Variants in TENM2 observed in about 807,000 individuals in gnomAD.
TENM2 encodes teneurin transmembrane protein 2.
TENM2 carries 52 observed loss-of-function variants against 245.2 expected under a neutral mutation model. The observed-to-expected ratio is 0.21, with a 90% CI of 0.17 to 0.27. The LOEUF is 0.27. Ranked by LOEUF, TENM2 falls within the 10% of genes least tolerant of loss-of-function variation. The pLI is 1.00. For synonymous variants in TENM2, 1,363 were observed against 1,438.9 expected (o/e 0.95, Z 1.19); for missense variants, 3,046 against 3,666.8 (o/e 0.83, Z 4.37).
the TENM2 span, among the ~76,000 whole-genome samples, chr5:167,068,536 A>G: frequency 1.3e-5 from 2 of 152,106 alleles, no homozygotes; most frequent in African/African-American, 2.4e-5. Flanking sequence ...TGTTATTGAG[A>G]TATTTTGCAT....
intron 2 of TENM2, among the ~76,000 whole-genome samples, chr5:167,511,036 C>T (rs978554344): frequency 2.0e-5 from 3 of 152,112 alleles, no homozygotes; most frequent in Non-Finnish European, 2.9e-5. Context: ...TAACACCATC[C>T]CTTTCTTCTT....
chr5:168,159,391 T>A (rs1757539275), intron 12 of TENM2, among the ~76,000 whole-genome samples: 1 of 152,136 alleles, frequency 6.6e-6, no homozygotes, highest in Non-Finnish European at 1.5e-5. Context: ...AGACTTCCTA[T>A]AGGAGACTTC....
At chr5:167,344,970 G>A (rs1758368739) in intron 1 of TENM2, among the ~76,000 whole-genome samples, 1 of 152,182 alleles carries the variant, frequency 6.6e-6, no homozygotes, top group African/African-American at 2.4e-5. Flanking sequence ...GATGCAGAAA[G>A]AGAAGGAAAG....
intron 7 of TENM2, among the ~76,000 whole-genome samples, chr5:168,062,581 A>G (rs1790141146): frequency 6.6e-6 from 1 of 152,220 alleles, no homozygotes; most frequent in Non-Finnish European, 1.5e-5. Context: ...CGTATGTATC[A>G]GTGTTCATCA....
the TENM2 span, among the ~76,000 whole-genome samples, chr5:167,230,839 G>C: frequency 6.6e-6 from 1 of 152,152 alleles, no homozygotes; most frequent in Admixed American, 6.5e-5. Flanking sequence ...AAGTGATATG[G>C]TTACGCTATG....
chr5:167,340,732 A>G (rs1195084457), intron 1 of TENM2, among the ~76,000 whole-genome samples: 5 of 152,266 alleles, frequency 3.3e-5, no homozygotes, highest in African/African-American at 4.8e-5. Context: ...AAATGACACT[A>G]TTGAAATTAT....
chr5:168,109,977 C>T (rs1039135804), intron 9 of TENM2, among the ~76,000 whole-genome samples: 10 of 151,664 alleles, frequency 6.6e-5, no homozygotes, highest in East Asian at 1.9e-4. Context: ...GAAATCACTT[C>T]GCGGGGCTTC....
the TENM2 span, among the ~76,000 whole-genome samples, chr5:167,063,950 C>T: frequency 1.3e-5 from 2 of 152,122 alleles, no homozygotes; most frequent in East Asian, 1.9e-4. Flanking sequence ...GCATTAATGA[C>T]GGTGGTTATG....
chr5:167,987,202 A>G (rs1224474454), intron 4 of TENM2, among the ~76,000 whole-genome samples: 1 of 152,188 alleles, frequency 6.6e-6, no homozygotes, highest in African/African-American at 2.4e-5. Flanking sequence ...ACATTAAAAA[A>G]TATATATCTA....
intron 1 of TENM2, among the ~76,000 whole-genome samples, chr5:167,333,746 T>C (rs1757594351): frequency 6.6e-6 from 1 of 152,182 alleles, no homozygotes; most frequent in Non-Finnish European, 1.5e-5. Flanking sequence ...GGAAGGTATG[T>C]CTTTAAGAGT....
intron 2 of TENM2, among the ~76,000 whole-genome samples, chr5:167,742,158 C>G (rs992841319): frequency 1.3e-5 from 2 of 152,138 alleles, no homozygotes; most frequent in African/African-American, 2.4e-5. Context: ...GCTTTTGAAA[C>G]TTTTCATAAT....
At chr5:167,802,066 G>T (rs974089859) in intron 2 of TENM2, among the ~76,000 whole-genome samples, 1 of 152,072 alleles carries the variant, frequency 6.6e-6, no homozygotes, top group Non-Finnish European at 1.5e-5. Context: ...GTCCTCACGT[G>T]GTGGAAGACC....
intron 2 of TENM2, among the ~76,000 whole-genome samples, chr5:167,651,177 T>C (rs982446596): frequency 2.0e-5 from 3 of 151,932 alleles, no homozygotes; most frequent in African/African-American, 7.2e-5. Flanking sequence ...CCATTGTGCA[T>C]CAATATCCTT....
At chr5:167,092,271 C>G in the TENM2 span, among the ~76,000 whole-genome samples, 27,489 of 152,040 alleles carry the variant, frequency 0.18, 4,049 homozygotes, top group African/African-American at 0.4. Flanking sequence ...ACAGCCCACC[C>G]GTTGCTTTAC....
chr5:167,347,141 G>GA (rs111545947), intron 1 of TENM2, among the ~76,000 whole-genome samples: 4,031 of 129,018 alleles, frequency 0.031, 161 homozygotes, highest in African/African-American at 0.095. Context: ...AATTACAAGA[G>GA]AAAAAAAAAA....
At chr5:167,918,593 C>A (rs1246192140) in intron 3 of TENM2, among the ~76,000 whole-genome samples, 1 of 152,260 alleles carries the variant, frequency 6.6e-6, no homozygotes, top group Middle Eastern at 3.4e-3. Flanking sequence ...CTTGACTTAT[C>A]AAGCACACTG....
At chr5:167,493,217 G>A (rs1327843452) in intron 2 of TENM2, among the ~76,000 whole-genome samples, 3 of 152,046 alleles carry the variant, frequency 2.0e-5, no homozygotes, top group African/African-American at 7.2e-5. Context: ...GTTCAAGGAT[G>A]CGGTAAGCTA....
At chr5:167,850,402 C>T (rs11739852) in intron 2 of TENM2, among the ~76,000 whole-genome samples, 7,902 of 152,114 alleles carry the variant, frequency 0.052, 246 homozygotes, top group Non-Finnish European at 0.054. Context: ...GAGGCTGTGG[C>T]AGAGTGGAGT....
chr5:167,966,882 T>A (rs1337306285), intron 4 of TENM2: 6 of 152,220 alleles, frequency 3.9e-5, no homozygotes, highest in Admixed American at 3.9e-4. Context: ...TTGATTTCTC[T>A]GTATTGCAAA....
Sources: gnomAD v4.1 joint callset for allele counts (sites outside exome capture counted in the v4.1 genomes callset) on GRCh38, gnomAD v4.1.1 for gene constraint, MANE v1.5 for transcripts, NCBI Gene and HGNC (gene_info 2026-07-23, HGNC 2026-07-21) for gene names.